The following ADAMTS12 variants were observed in gnomAD, a reference collection of about 807,000 sequenced individuals.
The protein encoded by ADAMTS12 is A disintegrin and metalloproteinase with thrombospondin motifs 12.
ADAMTS12 carries 118 observed loss-of-function variants against 167.8 expected under a neutral mutation model. The observed-to-expected ratio is 0.70, with a 90% CI of 0.61 to 0.82. ADAMTS12 has a LOEUF of 0.82. Among genes scored for constraint, ADAMTS12 ranks in the 40% least tolerant of loss-of-function variants. The pLI is 0.00. For synonymous variants in ADAMTS12, 704 were observed against 716.9 expected (o/e 0.98, Z 0.29); for missense variants, 1,916 against 1,998.8 (o/e 0.96, Z 0.79).
chr5:33,560,758 C>A (rs10447124), intron 20 of ADAMTS12, among the ~76,000 whole-genome samples: 2 of 116,772 alleles, frequency 1.7e-5, no homozygotes, highest in Non-Finnish European at 3.3e-5. Context: ...CATCACACAC[C>A]GGGGCCTGTT....
intron 19 of ADAMTS12, among the ~76,000 whole-genome samples, chr5:33,567,943 C>T (rs575992893): frequency 6.6e-6 from 1 of 152,280 alleles, no homozygotes; most frequent in East Asian, 1.9e-4. Context: ...CCCCGTAGCT[C>T]ACAGGTATGT....
At chr5:33,884,085 T>C (rs1288848422) in intron 1 of ADAMTS12, among the ~76,000 whole-genome samples, 1 of 152,206 alleles carries the variant, frequency 6.6e-6, no homozygotes, top group Non-Finnish European at 1.5e-5. Flanking sequence ...CATCTAGCAA[T>C]GGTGCCCTGT....
At chr5:33,807,284 C>T (rs1265868311) in intron 2 of ADAMTS12, among the ~76,000 whole-genome samples, 3 of 152,144 alleles carry the variant, frequency 2.0e-5, no homozygotes, top group African/African-American at 7.2e-5. Flanking sequence ...GCCATGGACA[C>T]TTCATCTGTT....
intron 2 of ADAMTS12, among the ~76,000 whole-genome samples, chr5:33,772,718 C>T (rs1192292466): frequency 1.3e-5 from 2 of 152,184 alleles, no homozygotes; most frequent in African/African-American, 4.8e-5. Flanking sequence ...ATCTGCACCA[C>T]TCTTAAAAAC....
At chr5:33,750,310 T>C (rs1043846140) in intron 3 of ADAMTS12, among the ~76,000 whole-genome samples, 2 of 152,242 alleles carry the variant, frequency 1.3e-5, no homozygotes, top group African/African-American at 4.8e-5. Flanking sequence ...GAAAACATTT[T>C]AGACTCAAAA....
chr5:33,738,938 AGGGTGCTGGT>A (rs1561244693), intron 3 of ADAMTS12, among the ~76,000 whole-genome samples: 8 of 152,370 alleles, frequency 5.3e-5, no homozygotes, highest in African/African-American at 1.9e-4. Flanking sequence ...AAATGCAGCC[AGGGTGCTGGT>A]CAGCTGCTGG....
In ADAMTS12 at chr5:33,547,295, T is replaced by C. The variant is rs956815141; in HGVS notation, c.4303-1093A>G. 1.4e-4 allele frequency among the ~76,000 whole-genome samples: 22 copies of C among 152,170 alleles called. No homozygotes were observed. The East Asian group carries it at 1.7e-3, about 12-fold the overall frequency. ...GCATCTTCTGAGTGTTTGTTAGAAATGCAAAATTTCAGGCCCCACCTCAGA... is the reference window on the plus strand; with the variant it reads ...GCATCTTCTGAGTGTTTGTTAGAAACGCAAAATTTCAGGCCCCACCTCAGA... On this transcript the variant is annotated intron_variant, in intron 21 of 23. Coordinates refer to ENST00000504830, the MANE Select transcript of ADAMTS12 (RefSeq NM_030955.4).
At chr5:33,673,236 C>CA (rs1741782850) in intron 5 of ADAMTS12, among the ~76,000 whole-genome samples, 1 of 152,182 alleles carries the variant, frequency 6.6e-6, no homozygotes, top group Non-Finnish European at 1.5e-5. Flanking sequence ...CACTCTCAAT[C>CA]AGTCATATTT....
chr5:33,873,687 T>C (rs1280588968), intron 2 of ADAMTS12, among the ~76,000 whole-genome samples: 2 of 152,110 alleles, frequency 1.3e-5, no homozygotes, highest in Non-Finnish European at 2.9e-5. Context: ...ATCAAGACCA[T>C]GTGATATTAG....
chr5:33,783,449 G>T (rs1332422433), intron 2 of ADAMTS12, among the ~76,000 whole-genome samples: 2 of 151,692 alleles, frequency 1.3e-5, no homozygotes, highest in Non-Finnish European at 3.0e-5. Context: ...CCAAAGGCAG[G>T]TTCTTTGACA....
rs898513124 is a variant in ADAMTS12, at chr5:33,614,329, G to C, written c.2436C>G (p.Ile812Met). Residue 812 changes from isoleucine to methionine, a missense_variant, in exon 16 of 24, where the codon ATC (isoleucine) becomes ATG (methionine). By Grantham distance (10) the Ile-to-Met change is conservative. Coordinates refer to ENST00000504830, the MANE Select transcript of ADAMTS12 (RefSeq NM_030955.4). ...TNPGIKYEYT[I>M]QKDGLDNDVE... Reference sequence around the variant, plus strand: ...CATCATTGTCAAGGCCATCTTTCTGGATTGTGTACTCATACTTGATGCCAG... The same window carrying C: ...CATCATTGTCAAGGCCATCTTTCTGCATTGTGTACTCATACTTGATGCCAG... 6 of 1,614,106 alleles carry C rather than the reference G, an allele frequency of 3.7e-6. No individual in the cohort carries two copies. Among genetic ancestry groups the C allele is most frequent in the Non-Finnish European group, 5.1e-6 (6 of 1,179,986 alleles).
rs78063836 is a variant in ADAMTS12 at position 33,866,234 on chromosome 5, T to C, written c.489+14885A>G. On this transcript the variant is annotated intron_variant, in intron 2 of 23. Transcript: ENST00000504830. ...ATACAAAAAGAGCATGGTACTGTTA[T>C]AAAAATAGATACATAGGCCAATGGA... Among the ~76,000 whole-genome samples, 656 of 152,178 alleles carry C rather than the reference T, an allele frequency of 4.3e-3. 3 individuals carry two copies. Among genetic ancestry groups the C allele is most frequent in the African/African-American group, 0.015 (635 of 41,560 alleles).
In ADAMTS12 at chr5:33,610,220, A is replaced by G. The variant is rs1738663713; in HGVS notation, c.2527+4018T>C. On this transcript the variant is annotated intron_variant, in intron 16 of 23. Coordinates refer to ENST00000504830, the MANE Select transcript of ADAMTS12 (RefSeq NM_030955.4). The stretch of plus-strand genomic sequence containing the variant: ...ACAACAGCAACAACAAAAAAGAAAA[A>G]CAAAATAGTATTTTTGTTTCATTTT... Among the ~76,000 whole-genome samples, 3 of 152,162 alleles carry G rather than the reference A, an allele frequency of 2.0e-5. No homozygotes were observed. The South Asian group carries it at 6.2e-4, about 32-fold the overall frequency.
chr5:33,886,419 G>A (rs781064685), intron 1 of ADAMTS12, among the ~76,000 whole-genome samples: 9 of 152,176 alleles, frequency 5.9e-5, no homozygotes, highest in Non-Finnish European at 1.3e-4. Flanking sequence ...TAAGGAAACC[G>A]AATGTAGGAA....
At chr5:33,763,080 T>C (rs1424876687) in intron 2 of ADAMTS12, among the ~76,000 whole-genome samples, 2 of 152,212 alleles carry the variant, frequency 1.3e-5, no homozygotes, top group Non-Finnish European at 2.9e-5. Context: ...AAGGGGACTG[T>C]TGAAGTTTGA....
chr5:33,769,664 T>C (rs1745671240), intron 2 of ADAMTS12, among the ~76,000 whole-genome samples: 1 of 152,154 alleles, frequency 6.6e-6, no homozygotes, highest in African/African-American at 2.4e-5. Flanking sequence ...TTTTTTCTAC[T>C]GGGAAGAAAA....
At chr5:33,562,450 T>A (rs530739697) in intron 19 of ADAMTS12, among the ~76,000 whole-genome samples, 2 of 152,010 alleles carry the variant, frequency 1.3e-5, no homozygotes, top group Admixed American at 6.6e-5. Flanking sequence ...TTTTCTTGCA[T>A]CCCCTCTCCC....
intron 20 of ADAMTS12, among the ~76,000 whole-genome samples, chr5:33,552,510 C>T (rs1294839237): frequency 6.6e-6 from 1 of 152,224 alleles, no homozygotes; most frequent in African/African-American, 2.4e-5. Context: ...CAAAGTTATA[C>T]ATCAAATACT....
chr5:33,601,160 G>A (rs555369603), intron 16 of ADAMTS12, among the ~76,000 whole-genome samples: 4 of 149,448 alleles, frequency 2.7e-5, no homozygotes, highest in African/African-American at 9.9e-5. Context: ...TCACAACATC[G>A]ACAGCACCAT....
Sources: gnomAD v4.1 joint callset for allele counts (sites outside exome capture counted in the v4.1 genomes callset) on GRCh38, gnomAD v4.1.1 for gene constraint, MANE v1.5 for transcripts, NCBI Gene and HGNC (gene_info 2026-07-23, HGNC 2026-07-21) for gene names.